The following TLN2 variants were observed in gnomAD, a reference collection of about 807,000 sequenced individuals.
TLN2 encodes talin 2, also known as talin-2.
TLN2 carries 118 observed loss-of-function variants against 294.7 expected under a neutral mutation model. The observed-to-expected ratio is 0.40, with a 90% confidence interval of 0.34 to 0.47. The LOEUF (loss-of-function observed/expected upper bound fraction) is 0.47. TLN2 is among the 20% of genes least tolerant of loss of function. TLN2 has a pLI of 0.84. For synonymous variants in TLN2, 1,431 were observed against 1,304.5 expected (o/e 1.10, Z -2.09); for missense variants, 3,083 against 3,282.2 (o/e 0.94, Z 1.48).
At chr15:62,731,241 C>T (rs1472513513) in intron 28 of TLN2, among the ~76,000 whole-genome samples, 2 of 150,998 alleles carry the variant, frequency 1.3e-5, no homozygotes, top group East Asian at 3.9e-4. Flanking sequence ...ATCCAGTATC[C>T]TAATATCTGG....
At chr15:62,752,940 A>G (rs1268941333) in intron 35 of TLN2, among the ~76,000 whole-genome samples, 1 of 152,160 alleles carries the variant, frequency 6.6e-6, no homozygotes, top group Non-Finnish European at 1.5e-5. Context: ...GTCAGCATCT[A>G]CTTTAAAGCG....
At chr15:62,585,631 G>T (rs994383697) in intron 1 of TLN2, among the ~76,000 whole-genome samples, 1 of 152,144 alleles carries the variant, frequency 6.6e-6, no homozygotes, top group Non-Finnish European at 1.5e-5. Flanking sequence ...CTCCAGAAAA[G>T]GCGCATCATG....
intron 1 of TLN2, among the ~76,000 whole-genome samples, chr15:62,551,789 A>G (rs1210218838): frequency 2.0e-5 from 3 of 152,226 alleles, no homozygotes; most frequent in African/African-American, 7.2e-5. Flanking sequence ...AATGACTCAA[A>G]AAGTCACACT....
intron 44 of TLN2, among the ~76,000 whole-genome samples, chr15:62,782,906 G>T (rs528229448): frequency 6.6e-6 from 1 of 152,316 alleles, no homozygotes; most frequent in South Asian, 2.1e-4. Context: ...GAGCAGGAGG[G>T]GAGCCCCTTG....
intron 3 of TLN2, chr15:62,644,844 A>AG (rs2051642714): frequency 3.2e-6 from 1 of 312,490 alleles, no homozygotes; most frequent in Non-Finnish European, 6.2e-6. Flanking sequence ...CTGCATGGTT[A>AG]GGGGGACCAT....
At chr15:62,676,681 C>T (rs1019081961) in intron 11 of TLN2, among the ~76,000 whole-genome samples, 4 of 152,194 alleles carry the variant, frequency 2.6e-5, no homozygotes, top group African/African-American at 4.8e-5. Flanking sequence ...GTGGCGCGAT[C>T]GTGGCTCATT....
chr15:62,794,256 C>G (rs60594786), intron 46 of TLN2, among the ~76,000 whole-genome samples: 11 of 152,146 alleles, frequency 7.2e-5, no homozygotes, highest in Non-Finnish European at 1.5e-4. Flanking sequence ...GGAGGTGGCT[C>G]GTTCCTAGCA....
At chr15:62,550,314 C>T (rs978585130) in intron 1 of TLN2, among the ~76,000 whole-genome samples, 1 of 152,006 alleles carries the variant, frequency 6.6e-6, no homozygotes, top group African/African-American at 2.4e-5. Context: ...GGGAAAATAC[C>T]TCTCGGAATA....
intron 52 of TLN2, 61 bp downstream of exon 52, chr15:62,810,093 A>T: frequency 7.3e-7 from 1 of 1,372,512 alleles, no homozygotes; most frequent in Non-Finnish European, 1.0e-6. Flanking sequence ...GTCCTGGCTG[A>T]TTCAAACTAT....
chr15:62,392,437 A>G (rs1349796444), intron 1 of TLN2, among the ~76,000 whole-genome samples: 1 of 152,198 alleles, frequency 6.6e-6, no homozygotes, highest in East Asian at 1.9e-4. Flanking sequence ...TTTTCCATTA[A>G]TAATACCTGG....
At chr15:62,442,926 G>A (rs1227796882) in intron 1 of TLN2, among the ~76,000 whole-genome samples, 1 of 151,968 alleles carries the variant, frequency 6.6e-6, no homozygotes, top group Non-Finnish European at 1.5e-5. Context: ...TGGCCTAGTG[G>A]TCCTATCTTC....
In TLN2 at chr15:62,820,615, G is replaced by A. The variant is rs2067480007; in HGVS notation, c.7002+5G>A. The A allele has an allele frequency of 1.9e-6, 3 of 1,612,612 alleles. No individual in the cohort carries two copies. Among genetic ancestry groups the A allele is most frequent in the South Asian group, 1.1e-5 (1 of 90,922 alleles). ...AAGCCAAGAGCAAAACCAAAAGTAA[G>A]TGTTCATTTATGGTTGGCTGTCCGA... On this transcript the variant is annotated splice_donor_5th_base_variant and intron_variant, in intron 54 of 58. Coordinates refer to ENST00000636159, the MANE Select transcript of TLN2 (RefSeq NM_015059.3).
intron 1 of TLN2, among the ~76,000 whole-genome samples, chr15:62,552,543 T>C (rs770879168): frequency 6.6e-6 from 1 of 152,204 alleles, no homozygotes; most frequent in African/African-American, 2.4e-5. Context: ...TTTAATGTCA[T>C]GTTTTTGCAT....
At chr15:62,464,225 A>G (rs2036977828) in intron 1 of TLN2, among the ~76,000 whole-genome samples, 1 of 152,216 alleles carries the variant, frequency 6.6e-6, no homozygotes, top group African/African-American at 2.4e-5. Context: ...CATATACACC[A>G]TGGAATACTA....
intron 1 of TLN2, among the ~76,000 whole-genome samples, chr15:62,443,159 A>C (rs1405801672): frequency 1.3e-5 from 2 of 152,202 alleles, no homozygotes; most frequent in Non-Finnish European, 2.9e-5. Flanking sequence ...TACCATTCAC[A>C]GGTTCTGAGG....
intron 2 of TLN2, among the ~76,000 whole-genome samples, chr15:62,607,124 T>C (rs556721284): frequency 6.6e-6 from 1 of 152,328 alleles, no homozygotes; most frequent in African/African-American, 2.4e-5. Context: ...CCTTGGATGT[T>C]ACTTCCTTTT....
intron 51 of TLN2, among the ~76,000 whole-genome samples, chr15:62,807,191 T>A (rs967194070): frequency 6.6e-6 from 1 of 152,140 alleles, no homozygotes; most frequent in South Asian, 2.1e-4. Context: ...GGAGTCCACC[T>A]ACCATAAGAG....
chr15:62,662,922 C>T lies in TLN2; in HGVS notation c.788+5024C>T, dbSNP rs1230163123. ...CACTGCAAGCTCTGCCTCCCGGGTT[C>T]ACTCCATTCTCCTGCCTCAGTCTCC... On this transcript the variant is annotated intron_variant, in intron 9 of 58. Coordinates refer to ENST00000636159, the MANE Select transcript of TLN2 (RefSeq NM_015059.3). Among the ~76,000 whole-genome samples, 4 of 143,300 alleles carry T rather than the reference C, an allele frequency of 2.8e-5. No homozygotes were observed. In the East Asian group the frequency reaches 9.1e-4, roughly 33 times the overall value. The allele number at this position is 143,300 out of a possible 152,430, so 94.0% of individuals were successfully genotyped here.
chr15:62,782,021 A>G (rs1354037159), intron 44 of TLN2, among the ~76,000 whole-genome samples: 2 of 152,280 alleles, frequency 1.3e-5, no homozygotes, highest in East Asian at 3.8e-4. Flanking sequence ...TTAAAGGCTC[A>G]GATGCCATAA....
Sources: allele counts gnomAD v4.1 joint callset (sites outside exome capture counted in the v4.1 genomes callset), GRCh38; gene constraint gnomAD v4.1.1; transcripts MANE v1.5; gene names NCBI Gene and HGNC (gene_info 2026-07-23, HGNC 2026-07-21).